Variants in NOX3 observed in about 807,000 individuals in gnomAD.
NOX3 encodes the protein NADPH oxidase 3, also known as NADPH oxidase catalytic subunit-like 3.
In NOX3, 74 loss-of-function variants were observed where a neutral mutation model predicts 76.7. The observed-to-expected ratio is 0.96, with a 90% CI of 0.80 to 1.17. The LOEUF (loss-of-function observed/expected upper bound fraction) is 1.17, where lower values mean the gene tolerates loss of function less well. Ranked by LOEUF, NOX3 falls within the 50% of genes most tolerant of loss-of-function variation. The probability of loss-of-function intolerance (pLI) is 0.00; values close to 1 mark genes in which losing one functional copy is unlikely to be tolerated. For missense variants in NOX3, 695 were observed against 703.3 expected, an observed-to-expected ratio of 0.99 and a Z score of 0.13; for synonymous variants, 263 against 261.1, an observed-to-expected ratio of 1.01 and a Z score of -0.07.
chr6:155,398,448 G>T (rs1041505784), intron 12 of NOX3, among the ~76,000 whole-genome samples: 3 of 152,132 alleles, frequency 2.0e-5, no homozygotes, highest in South Asian at 2.1e-4. Context: ...TCTGCCATGT[G>T]TCATAGCCAC....
chr6:155,446,546 G>A (rs113614087), intron 4 of NOX3, among the ~76,000 whole-genome samples: 7 of 152,136 alleles, frequency 4.6e-5, no homozygotes, highest in African/African-American at 9.7e-5. Context: ...CTGTTGATTC[G>A]TGATGAAAGT....
At chr6:155,445,577 A>G (rs1777049169) in intron 4 of NOX3, among the ~76,000 whole-genome samples, 2 of 152,138 alleles carry the variant, frequency 1.3e-5, no homozygotes. Flanking sequence ...TCACTTCAAA[A>G]GTTGACTTCT....
At chr6:155,443,082 C>T (rs958614207) in intron 5 of NOX3, among the ~76,000 whole-genome samples, 191 bp downstream of exon 5, 1 of 152,186 alleles carries the variant, frequency 6.6e-6, no homozygotes, top group Non-Finnish European at 1.5e-5. Flanking sequence ...TTTCTCCTTG[C>T]TCATAACTTC....
chr6:155,435,178 A>C (rs1247351164), intron 7 of NOX3, among the ~76,000 whole-genome samples: 1 of 152,184 alleles, frequency 6.6e-6, no homozygotes, highest in Non-Finnish European at 1.5e-5. Context: ...GAAGTGGAGC[A>C]GGGGAGAGTT....
At chr6:155,402,071 TTCTG>T (rs1190336505) in intron 12 of NOX3, among the ~76,000 whole-genome samples, 1 of 152,232 alleles carries the variant, frequency 6.6e-6, no homozygotes, top group African/African-American at 2.4e-5. Context: ...TTTATTTTCA[TTCTG>T]TCTACCTTCT....
intron 8 of NOX3, among the ~76,000 whole-genome samples, chr6:155,430,074 A>G (rs916651601): frequency 1.8e-4 from 28 of 152,224 alleles, no homozygotes; most frequent in African/African-American, 6.8e-4. Context: ...GAAGGCGGCT[A>G]CAGAGATACA....
chr6:155,400,518 T>G (rs1779208503), intron 12 of NOX3, among the ~76,000 whole-genome samples: 1 of 152,226 alleles, frequency 6.6e-6, no homozygotes, highest in Non-Finnish European at 1.5e-5. Context: ...GGACACAACT[T>G]CTGGTTAATC....
intron 4 of NOX3, among the ~76,000 whole-genome samples, chr6:155,452,144 C>T (rs753116187): frequency 2.6e-5 from 4 of 152,170 alleles, no homozygotes; most frequent in Admixed American, 6.5e-5. Flanking sequence ...TATCAAGGAG[C>T]GATCTGGTCT....
chr6:155,443,655 T>A (rs1047999169), intron 4 of NOX3, among the ~76,000 whole-genome samples: 1 of 152,116 alleles, frequency 6.6e-6, no homozygotes, highest in Non-Finnish European at 1.5e-5. Context: ...ATAAAGTAAA[T>A]CTCAGTTCAT....
intron 7 of NOX3, among the ~76,000 whole-genome samples, chr6:155,434,880 G>A (rs1776881169): frequency 6.6e-6 from 1 of 152,158 alleles, no homozygotes; most frequent in African/African-American, 2.4e-5. Flanking sequence ...AACCGCTGAA[G>A]GAGAAATGAT....
At chr6:155,442,214 T>A (rs540541732) in intron 5 of NOX3, among the ~76,000 whole-genome samples, 22 of 152,124 alleles carry the variant, frequency 1.4e-4, no homozygotes, top group Middle Eastern at 6.8e-3. Flanking sequence ...CAGTGAGCCG[T>A]GATCGCACCA....
chr6:155,400,234 G>A (rs762518226), intron 12 of NOX3, among the ~76,000 whole-genome samples: 3 of 152,156 alleles, frequency 2.0e-5, no homozygotes, highest in Non-Finnish European at 2.9e-5. Flanking sequence ...GCGTGTGGGT[G>A]CGCCCGGGAG....
chr6:155,455,807 TG>T lies in NOX3; in HGVS notation c.-8del. 6.2e-7 allele frequency: 1 copy of T among 1,613,806 alleles called. No homozygotes were observed. Among genetic ancestry groups the T allele is most frequent in the Non-Finnish European group, 8.5e-7 (1 of 1,179,720 alleles). ...AAATCCAGCACCCCATCATGATACT[TG>T]TTGCTCTTCGGCTGTCAGGAAATTT... On this transcript the variant is annotated 5_prime_UTR_variant, in exon 1 of 14. Transcript: ENST00000159060.
intron 5 of NOX3, among the ~76,000 whole-genome samples, chr6:155,443,014 T>C (rs902873179): frequency 6.6e-6 from 1 of 152,202 alleles, no homozygotes; most frequent in African/African-American, 2.4e-5. Context: ...TTTAACAGGT[T>C]ACTGCGTTTC....
chr6:155,404,563 A>C (rs906973426), intron 12 of NOX3, among the ~76,000 whole-genome samples: 3 of 152,226 alleles, frequency 2.0e-5, no homozygotes, highest in African/African-American at 7.2e-5. Flanking sequence ...CCGTGGGGCA[A>C]GAGCAAGATT....
At chr6:155,418,455 G>A (rs1439011289) in intron 10 of NOX3, among the ~76,000 whole-genome samples, 1 of 152,040 alleles carries the variant, frequency 6.6e-6, no homozygotes, top group Non-Finnish European at 1.5e-5. Flanking sequence ...TTACTTCTGC[G>A]TTGAAAATAT....
chr6:155,423,621 GATATTAATATTCTTAAAA>G, intron 9 of NOX3, among the ~76,000 whole-genome samples: 1 of 151,966 alleles, frequency 6.6e-6, no homozygotes. Context: ...ACACTGGTGA[GATATTAATATTCTTAAAA>G]TATTAAATAC....
At chr6:155,423,737 CTTTTTCTTTTTT>C (rs1426248289) in intron 9 of NOX3, among the ~76,000 whole-genome samples, 25 of 149,018 alleles carry the variant, frequency 1.7e-4, no homozygotes, top group African/African-American at 1.2e-4. Flanking sequence ...TTTTCTTTTT[CTTTTTCTTTTTT>C]TTTTTTTTTT....
intron 6 of NOX3, among the ~76,000 whole-genome samples, chr6:155,438,417 G>A (rs937282178): frequency 5.3e-5 from 8 of 152,334 alleles, no homozygotes; most frequent in East Asian, 1.9e-4. Context: ...GGACTGACCC[G>A]GTTACTAAGG....
Sources: gnomAD v4.1 joint callset for allele counts (sites outside exome capture counted in the v4.1 genomes callset) on GRCh38, gnomAD v4.1.1 for gene constraint, MANE v1.5 for transcripts, NCBI Gene and HGNC (gene_info 2026-07-23, HGNC 2026-07-21) for gene names.